IL2RA: variants seen among roughly 807,000 people sequenced by gnomAD.
The protein encoded by IL2RA is interleukin-2 receptor subunit alpha.
A neutral mutation model predicts 37.8 loss-of-function variants in IL2RA; 24 were observed. The observed-to-expected ratio is 0.63, with a 90% confidence interval of 0.46 to 0.89. The LOEUF (loss-of-function observed/expected upper bound fraction) is 0.89. IL2RA is among the 40% of genes least tolerant of loss of function. IL2RA has a pLI of 0.00. For synonymous variants in IL2RA, 125 were observed against 114.6 expected (o/e 1.09, Z -0.58); for missense variants, 319 against 348.6 (o/e 0.92, Z 0.68).
intron 7 of IL2RA, among the ~76,000 whole-genome samples, chr10:6,013,509 G>A (rs1839226237): frequency 2.0e-5 from 3 of 152,150 alleles, no homozygotes; most frequent in African/African-American, 7.2e-5. Flanking sequence ...AGTTCCCATA[G>A]CACAAGACTC....
intron 1 of IL2RA, among the ~76,000 whole-genome samples, chr10:6,027,080 G>C (rs1839496206): frequency 6.6e-6 from 1 of 152,176 alleles, no homozygotes; most frequent in African/African-American, 2.4e-5. Flanking sequence ...CCAGCACTTT[G>C]GGAGGCCAAG....
chr10:6,012,636 C>T lies in IL2RA; in HGVS notation c.*236G>A, dbSNP rs943884205. ...TGGTTTTGCCCTTCCTCTTCAACGG[C>T]GAAATTGCTATTTAGAAGTGGGTAG... On this transcript the variant is annotated 3_prime_UTR_variant, in exon 8 of 8. Coordinates refer to ENST00000379959, the MANE Select transcript of IL2RA (RefSeq NM_000417.3). The surrounding 1 kb of genome is among the most constrained non-coding windows in gnomAD (Gnocchi z 4.8). 15 of 598,052 alleles carry T rather than the reference C, an allele frequency of 2.5e-5. No homozygotes were observed. Among genetic ancestry groups the T allele is most frequent in the African/African-American group, 2.4e-4 (13 of 53,664 alleles). The allele number at this position is 598,052 out of a possible 1,614,324, so 37.0% of individuals were successfully genotyped here.
intron 1 of IL2RA, among the ~76,000 whole-genome samples, chr10:6,026,503 G>C (rs12722566): frequency 6.6e-6 from 1 of 152,232 alleles, no homozygotes; most frequent in Non-Finnish European, 1.5e-5. Flanking sequence ...CTCAATGTCT[G>C]GCAAATAGGA....
In IL2RA at chr10:6,019,267, C is replaced by T. The variant is rs890623777; in HGVS notation, c.727+161G>A. Among the ~76,000 whole-genome samples, 7 of 152,280 alleles carry T rather than the reference C, an allele frequency of 4.6e-5. No homozygotes were observed. In the East Asian group the frequency reaches 5.8e-4, roughly 13 times the overall value. ...ACTAACCAACTAACCTCCCAACCTA[C>T]GAACCAACTTACCAATCAACTAGCC... On this transcript the variant is annotated intron_variant, in intron 6 of 7. Transcript: ENST00000379959.
At chr10:6,026,151 T>C in intron 1 of IL2RA, 126 bp from the exon 2 acceptor site, 2 of 995,392 alleles carry the variant, frequency 2.0e-6, no homozygotes, top group Non-Finnish European at 3.1e-6. Flanking sequence ...CCCTACTTTT[T>C]GTGAGAAAGC....
At chr10:6,052,870 T>G (rs1423957258) in intron 1 of IL2RA, among the ~76,000 whole-genome samples, 2 of 137,676 alleles carry the variant, frequency 1.5e-5, no homozygotes, top group Non-Finnish European at 3.3e-5. Context: ...GGTGCGACAC[T>G]GCCGCTTTCT....
In IL2RA at chr10:6,054,393, T is replaced by C. The variant is rs553211782; in HGVS notation, c.64+7695A>G. ...CTGGTGATAAGTGATCAGTGACCCA[T>C]TGAACCGAGGACGTCTACCGGGGAC... On this transcript the variant is annotated intron_variant, in intron 1 of 7. Transcript: ENST00000379959. The surrounding 1 kb of genome is among the most constrained non-coding windows in gnomAD (Gnocchi z 4.5). 9.9e-5 allele frequency among the ~76,000 whole-genome samples: 15 copies of C among 152,250 alleles called. No individual in the cohort carries two copies. The highest frequency in any genetic ancestry group is 2.6e-4 in the African/African-American group (11 of 41,552).
chr10:6,013,781 C>A (rs1490125946), intron 7 of IL2RA, among the ~76,000 whole-genome samples: 1 of 151,408 alleles, frequency 6.6e-6, no homozygotes, highest in African/African-American at 2.4e-5. Flanking sequence ...GTAAGTAATT[C>A]TTGCCTTTGT....
In IL2RA at chr10:6,048,455, G is replaced by A. The variant is rs544211749; in HGVS notation, c.64+13633C>T. 3.3e-5 allele frequency among the ~76,000 whole-genome samples: 5 copies of A among 152,218 alleles called. No homozygotes were observed. Among genetic ancestry groups the A allele is most frequent in the East Asian group, 1.9e-4 (1 of 5,196 alleles). ...GTGAGGCATCCACACGGAAAGGTCC[G>A]AGGGAAGGGCCTTTGGCCATGCAGA... is the stretch of plus-strand genomic sequence containing the variant. On this transcript the variant is annotated intron_variant, in intron 1 of 7. Transcript: ENST00000379959. This position sits in a 1 kb window ranked among gnomAD's most constrained non-coding sequence, Gnocchi z 5.3.
In IL2RA at chr10:6,036,323, C is replaced by G. The variant is rs938170359; in HGVS notation, c.65-10298G>C. 6.6e-6 allele frequency: 1 copy of G among 152,140 alleles called. No individual in the cohort carries two copies. The highest frequency in any genetic ancestry group is 1.5e-5 in the Non-Finnish European group (1 of 68,030). 9.4% of individuals were successfully genotyped at this position (152,140 alleles called of 1,614,324 possible). On this transcript the variant is annotated intron_variant, in intron 1 of 7. Coordinates refer to ENST00000379959, the MANE Select transcript of IL2RA (RefSeq NM_000417.3). The surrounding 1 kb of genome is among the most constrained non-coding windows in gnomAD (Gnocchi z 6.1). ...CACCTGCTCTCTCCTTTCGAGTGTT[C>G]GACTCCACTCTCAGTCACTCGTCAC... is the stretch of plus-strand genomic sequence containing the variant.
intron 1 of IL2RA, among the ~76,000 whole-genome samples, chr10:6,031,350 G>A (rs1394202196): frequency 2.0e-5 from 3 of 149,362 alleles, no homozygotes; most frequent in African/African-American, 7.4e-5. Context: ...TTCAAGATAA[G>A]GAACATTATT....
At position 6,036,639 on chromosome 10, in the gene IL2RA, C is replaced by T. The variant is rs1839687712; in HGVS notation, c.65-10614G>A. ...CGATTTTGCCACATACCCGCAGCTG[C>T]ACTCCCATAATCTGAAAGCTGTCCC... On this transcript the variant is annotated intron_variant, in intron 1 of 7. Coordinates refer to ENST00000379959, the MANE Select transcript of IL2RA (RefSeq NM_000417.3). This position sits in a 1 kb window ranked among gnomAD's most constrained non-coding sequence, Gnocchi z 6.1. Among the ~76,000 whole-genome samples the T allele has an allele frequency of 6.6e-6, 1 of 152,228 alleles. No individual in the cohort carries two copies. The highest frequency in any genetic ancestry group is 1.5e-5 in the Non-Finnish European group (1 of 68,040).
chr10:6,020,106 G>A lies in IL2RA; in HGVS notation c.584-165C>T, dbSNP rs1432948797. ...CCACCCCTCATGGTTCCACAGCAGG[G>A]GCACTGGGAAGCGGTGAAGTGGTCT... On this transcript the variant is annotated intron_variant, in intron 4 of 7. Coordinates refer to ENST00000379959, the MANE Select transcript of IL2RA (RefSeq NM_000417.3). The surrounding 1 kb of genome is among the most constrained non-coding windows in gnomAD (Gnocchi z 5.6). Among the ~76,000 whole-genome samples, 1 of 152,168 alleles carries A rather than the reference G, an allele frequency of 6.6e-6. No individual in the cohort carries two copies. The highest frequency in any genetic ancestry group is 3.2e-3 in the Middle Eastern group (1 of 316).
At chr10:6,045,351 A>G (rs1839833579) in intron 1 of IL2RA, among the ~76,000 whole-genome samples, 1 of 152,118 alleles carries the variant, frequency 6.6e-6, no homozygotes, top group African/African-American at 2.4e-5. Context: ...GGATCTAGTT[A>G]TTTTGTCTTT....
At position 6,054,986 on chromosome 10, in the gene IL2RA, C is replaced by A. The variant is rs1840021792; in HGVS notation, c.64+7102G>T. Among the ~76,000 whole-genome samples, 1 of 152,132 alleles carries A rather than the reference C, an allele frequency of 6.6e-6. No homozygotes were observed. The highest frequency in any genetic ancestry group is 1.5e-5 in the Non-Finnish European group (1 of 68,028). On this transcript the variant is annotated intron_variant, in intron 1 of 7. Coordinates refer to ENST00000379959, the MANE Select transcript of IL2RA (RefSeq NM_000417.3). The surrounding 1 kb of genome is among the most constrained non-coding windows in gnomAD (Gnocchi z 4.5). Reference sequence around the variant, plus strand: ...TGCAGGTATTACAGGCATGAGCTATCACACTCAGCCTATTTTCTCATTTCA... The same window carrying A: ...TGCAGGTATTACAGGCATGAGCTATAACACTCAGCCTATTTTCTCATTTCA...
At chr10:6,061,361 G>C (rs976883481) in intron 1 of IL2RA, among the ~76,000 whole-genome samples, 14 of 152,062 alleles carry the variant, frequency 9.2e-5, no homozygotes, top group Admixed American at 2.0e-4. Context: ...ACTCCAGTCT[G>C]GCTGACAGAG....
intron 1 of IL2RA, among the ~76,000 whole-genome samples, chr10:6,055,113 G>A (rs1317017192): frequency 6.6e-6 from 1 of 152,198 alleles, no homozygotes; most frequent in Non-Finnish European, 1.5e-5. Context: ...TAGGCCTCCT[G>A]TGGAACCTGT....
In IL2RA at chr10:6,048,672, A is replaced by G. The variant is rs182481402; in HGVS notation, c.64+13416T>C. ...TTCCATGGAGGTTACTCAATGCCCT[A>G]TGGGTTTGCCTTTCTGCTTCCCTTC... On this transcript the variant is annotated intron_variant, in intron 1 of 7. Coordinates refer to ENST00000379959, the MANE Select transcript of IL2RA (RefSeq NM_000417.3). This position sits in a 1 kb window ranked among gnomAD's most constrained non-coding sequence, Gnocchi z 5.3. 5.2e-4 allele frequency among the ~76,000 whole-genome samples: 79 copies of G among 152,286 alleles called. No homozygotes were observed. Among genetic ancestry groups the G allele is most frequent in the Admixed American group, 1.6e-3 (25 of 15,302 alleles).
chr10:6,010,700 TATC>T lies in IL2RA; in HGVS notation c.*2169_*2171del, dbSNP rs1386419949. 2.6e-5 allele frequency: 4 copies of T among 151,972 alleles called. No individual in the cohort carries two copies. Among genetic ancestry groups the T allele is most frequent in the Non-Finnish European group, 4.4e-5 (3 of 68,012 alleles). The allele number at this position is 151,972 out of a possible 1,614,324, so 9.4% of individuals were successfully genotyped here. Reference sequence around the variant, plus strand: ...ATAAAAACCAAGACTTTTTAAAAAATATCATTTATTCTTTTATAAACAATAGCA... The same window carrying T: ...ATAAAAACCAAGACTTTTTAAAAAATATTTATTCTTTTATAAACAATAGCA... On this transcript the variant is annotated 3_prime_UTR_variant, in exon 8 of 8. Transcript: ENST00000379959.
Sources: gnomAD v4.1 joint callset for allele counts (sites outside exome capture counted in the v4.1 genomes callset) on GRCh38, gnomAD v4.1.1 for gene constraint, Gnocchi (gnomAD v3.1) non-coding constraint, MANE v1.5 for transcripts, NCBI Gene and HGNC (gene_info 2026-07-23, HGNC 2026-07-21) for gene names.